The following NEGR1 variants were observed in gnomAD, a reference collection of about 807,000 sequenced individuals.
NEGR1 encodes the protein neuronal growth regulator 1.
Under a neutral mutation model 40.9 loss-of-function variants are expected in NEGR1, and 10 were observed. The ratio of observed to expected loss-of-function variants is 0.24; its 90% CI spans 0.15 to 0.42. NEGR1 has a LOEUF of 0.42. Among genes scored for constraint, NEGR1 ranks in the 10% least tolerant of loss-of-function variants. The pLI, the probability that NEGR1 is intolerant of heterozygous loss-of-function variation, is 1.00. For missense variants in NEGR1, 352 were observed against 438.9 expected (o/e 0.80, Z 1.77); for synonymous variants, 185 against 166.8 (o/e 1.11, Z -0.84).
At chr1:71,894,741 T>C (rs1252699842) in intron 2 of NEGR1, among the ~76,000 whole-genome samples, 1 of 152,188 alleles carries the variant, frequency 6.6e-6, no homozygotes. Context: ...AGTTTTATTT[T>C]TAAAAAAAGT....
intron 5 of NEGR1, among the ~76,000 whole-genome samples, chr1:71,609,366 T>A (rs928710713): frequency 3.3e-5 from 5 of 150,126 alleles, no homozygotes; most frequent in African/African-American, 9.8e-5. Flanking sequence ...ATACAAAAAA[T>A]AAGCCGGGCG....
intron 6 of NEGR1, among the ~76,000 whole-genome samples, chr1:71,412,669 G>T (rs1384284702): frequency 1.3e-5 from 2 of 152,208 alleles, no homozygotes; most frequent in East Asian, 1.9e-4. Context: ...GGCAAAGTGT[G>T]TAATGAAATT....
intron 2 of NEGR1, among the ~76,000 whole-genome samples, chr1:71,868,577 T>A (rs1030928189): frequency 6.6e-6 from 1 of 152,080 alleles, no homozygotes; most frequent in Non-Finnish European, 1.5e-5. Flanking sequence ...AAGCTGTTCA[T>A]ACAAAAAAGG....
intron 3 of NEGR1, among the ~76,000 whole-genome samples, chr1:71,759,911 A>C (rs1387993300): frequency 6.6e-6 from 1 of 152,010 alleles, no homozygotes; most frequent in Non-Finnish European, 1.5e-5. Context: ...GGCTGGCCCA[A>C]GATAATAACT....
At chr1:71,688,462 CT>C (rs748027559) in intron 4 of NEGR1, among the ~76,000 whole-genome samples, 3,359 of 8,840 alleles carry the variant, frequency 0.38, 216 homozygotes, top group African/African-American at 0.45. Flanking sequence ...ATGTATATAT[CT>C]TTTTTTTTTT....
Position 71,994,996 on chromosome 1 carries a change from GAAA to G in NEGR1, c.177-59688_177-59686del, listed in dbSNP as rs34098239. On this transcript the variant is annotated intron_variant, in intron 1 of 6. Transcript: ENST00000357731. ...GAGACCTAAATCTCCAAATTTACAG[GAAA>G]AAAAAAAAAAAAAAAAAGCTCTTCT... is the stretch of plus-strand genomic sequence containing the variant. 1.1e-3 allele frequency among the ~76,000 whole-genome samples: 120 copies of G among 111,570 alleles called. 2 individuals carry two copies. Among genetic ancestry groups the G allele is most frequent in the Middle Eastern group, 9.8e-3 (2 of 204 alleles). The allele number at this position is 111,570 out of a possible 152,430, so 73.2% of individuals were successfully genotyped here.
intron 6 of NEGR1, among the ~76,000 whole-genome samples, chr1:71,421,182 TAA>T (rs1646391463): frequency 6.6e-6 from 1 of 152,030 alleles, no homozygotes; most frequent in Non-Finnish European, 1.5e-5. Context: ...TATGAATGGC[TAA>T]TTTATTTTTG....
chr1:71,883,356 C>T (rs1660631609), intron 2 of NEGR1, among the ~76,000 whole-genome samples: 1 of 151,814 alleles, frequency 6.6e-6, no homozygotes, highest in South Asian at 2.1e-4. Context: ...AAACTTCCAC[C>T]GTTGTTTGAT....
chr1:72,027,564 TAA>T (rs899434393), intron 1 of NEGR1, among the ~76,000 whole-genome samples: 8 of 151,964 alleles, frequency 5.3e-5, no homozygotes, highest in Non-Finnish European at 1.0e-4. Flanking sequence ...AAATAATATA[TAA>T]AAAATATTAA....
At chr1:71,725,180 G>A (rs1035137136) in intron 3 of NEGR1, among the ~76,000 whole-genome samples, 1 of 152,092 alleles carries the variant, frequency 6.6e-6, no homozygotes, top group African/African-American at 2.4e-5. Context: ...AGATCTGATC[G>A]ATAGAAGAAT....
intron 1 of NEGR1, among the ~76,000 whole-genome samples, chr1:72,033,315 A>G (rs185788271): frequency 1.8e-4 from 27 of 152,302 alleles, no homozygotes; most frequent in African/African-American, 6.3e-4. Context: ...AATCGGCTGA[A>G]TATTTAGCAG....
At chr1:71,769,180 T>TTC (rs1656231495) in intron 3 of NEGR1, among the ~76,000 whole-genome samples, 1 of 152,122 alleles carries the variant, frequency 6.6e-6, no homozygotes, top group South Asian at 2.1e-4. Flanking sequence ...TTTTTATTTT[T>TTC]TCTTACTATT....
Position 72,251,975 on chromosome 1 carries a change from T to C in NEGR1, c.176+30344A>G, listed in dbSNP as rs904111330. ...ATTACTTTTTAATGTATGGCTATCATAGCATCTTGGTTACAAGTAATTGAC... is the reference window on the plus strand; with the variant it reads ...ATTACTTTTTAATGTATGGCTATCACAGCATCTTGGTTACAAGTAATTGAC... On this transcript the variant is annotated intron_variant, in intron 1 of 6. Coordinates refer to ENST00000357731, the MANE Select transcript of NEGR1 (RefSeq NM_173808.3). 3.9e-5 allele frequency among the ~76,000 whole-genome samples: 6 copies of C among 152,226 alleles called. No individual in the cohort carries two copies. In the South Asian group the frequency reaches 1.0e-3, roughly 26 times the overall value.
chr1:71,879,660 A>T (rs908622138), intron 2 of NEGR1, among the ~76,000 whole-genome samples: 11 of 152,182 alleles, frequency 7.2e-5, no homozygotes, highest in Admixed American at 7.2e-4. Flanking sequence ...TTTTTTCTCT[A>T]TGAAAAACAA....
chr1:72,028,964 CTT>C (rs1646834773), intron 1 of NEGR1, among the ~76,000 whole-genome samples: 2 of 151,998 alleles, frequency 1.3e-5, no homozygotes, highest in African/African-American at 4.8e-5. Flanking sequence ...GAATTGAGCA[CTT>C]GTAAAAATGA....
At chr1:71,915,671 C>T (rs759857766) in intron 2 of NEGR1, among the ~76,000 whole-genome samples, 15 of 152,066 alleles carry the variant, frequency 9.9e-5, no homozygotes, top group East Asian at 1.9e-4. Flanking sequence ...CCAAGGTCCA[C>T]GTTCAGATAA....
At chr1:71,561,324 G>C (rs374970311) in intron 6 of NEGR1, among the ~76,000 whole-genome samples, 37 of 151,698 alleles carry the variant, frequency 2.4e-4, no homozygotes, top group African/African-American at 8.4e-4. Context: ...GTTTGCCTGA[G>C]ACAATTCTCA....
chr1:71,702,433 C>A (rs951637256), intron 3 of NEGR1, among the ~76,000 whole-genome samples: 1 of 151,836 alleles, frequency 6.6e-6, no homozygotes, highest in Non-Finnish European at 1.5e-5. Context: ...TATGCCAGAA[C>A]AGTAATTTCA....
rs1217906187 is a variant in NEGR1 at position 71,907,801 on chromosome 1, C to G, written c.409+27278G>C. ...TAAAGAAAATAGGGTACATACACCC[C>G]CCATGGAATACTATGCAGCCATGAA... On this transcript the variant is annotated intron_variant, in intron 2 of 6. Transcript: ENST00000357731. Among the ~76,000 whole-genome samples the G allele has an allele frequency of 1.8e-4, 28 of 152,028 alleles. 1 individual carries two copies. Among genetic ancestry groups the G allele is most frequent in the Admixed American group, 1.8e-3 (28 of 15,248 alleles).
Sources: allele counts gnomAD v4.1 joint callset (sites outside exome capture counted in the v4.1 genomes callset), GRCh38; gene constraint gnomAD v4.1.1; transcripts MANE v1.5; gene names NCBI Gene and HGNC (gene_info 2026-07-23, HGNC 2026-07-21).